PRKAR2B: variants seen among roughly 807,000 people sequenced by gnomAD.
The protein encoded by PRKAR2B is protein kinase cAMP-dependent type II regulatory subunit beta.
In PRKAR2B, 14 loss-of-function variants were observed where a neutral mutation model predicts 49.9. The observed-to-expected ratio is 0.28, with a 90% CI of 0.19 to 0.44. The LOEUF (loss-of-function observed/expected upper bound fraction) is 0.44. PRKAR2B is among the 20% of genes least tolerant of loss of function. PRKAR2B has a pLI of 1.00. For missense variants in PRKAR2B, 393 were observed against 537.9 expected (o/e 0.73, Z 2.67); for synonymous variants, 196 against 197.7 (o/e 0.99, Z 0.07).
chr7:107,073,436 T>G (rs910259862), intron 2 of PRKAR2B, among the ~76,000 whole-genome samples: 2 of 152,166 alleles, frequency 1.3e-5, no homozygotes, highest in African/African-American at 4.8e-5. Flanking sequence ...TTATAGAGGC[T>G]TCAGGGTTGT....
intron 1 of PRKAR2B, among the ~76,000 whole-genome samples, chr7:107,068,215 C>T (rs568994656): frequency 3.9e-5 from 6 of 152,234 alleles, no homozygotes; most frequent in East Asian, 1.9e-4. Flanking sequence ...AAAGACTTCC[C>T]GACCTTTTAA....
intron 2 of PRKAR2B, among the ~76,000 whole-genome samples, chr7:107,095,648 A>G (rs889009622): frequency 2.0e-5 from 3 of 152,198 alleles, no homozygotes; most frequent in Non-Finnish European, 4.4e-5. Context: ...TTTGTCCTAG[A>G]TAGCTCTTAT....
intron 1 of PRKAR2B, among the ~76,000 whole-genome samples, chr7:107,053,219 A>T (rs1456036406): frequency 6.6e-6 from 1 of 152,156 alleles, no homozygotes; most frequent in Non-Finnish European, 1.5e-5. Context: ...TATTAGCAAA[A>T]TATATTTGAG....
Position 107,161,245 on chromosome 7 carries a change from T to C in PRKAR2B, c.*1663T>C, listed in dbSNP as rs1796192586. On this transcript the variant is annotated 3_prime_UTR_variant, in exon 11 of 11. Transcript: ENST00000265717. ...AGATGACTTGTTTTATATTTCAGATTTTATTTTAAAAGCCATGTCTGTTAA... is the reference window on the plus strand; with the variant it reads ...AGATGACTTGTTTTATATTTCAGATCTTATTTTAAAAGCCATGTCTGTTAA... 6.6e-6 allele frequency: 1 copy of C among 152,238 alleles called. No homozygotes were observed. The highest frequency in any genetic ancestry group is 1.5e-5 in the Non-Finnish European group (1 of 68,036). The allele number at this position is 152,238 out of a possible 1,614,324, so 9.4% of individuals were successfully genotyped here. A position where few individuals can be genotyped will look rare whatever the true frequency, so the allele number is the denominator to read the frequency against.
chr7:107,153,224 C>T lies in PRKAR2B; in HGVS notation c.891C>T (p.Tyr297=). The part of the protein sequence containing the change: ...KVVDVIGTKV[Y]NDGEQIIAQG... ...TAGATGTGATAGGCACCAAAGTATACAACGATGGAGAACAAATCATTGCTC... is the reference window on the plus strand; with the variant it reads ...TAGATGTGATAGGCACCAAAGTATATAACGATGGAGAACAAATCATTGCTC... Residue 297 remains tyrosine (Y), a synonymous_variant, in exon 8 of 11, where the codon TAC becomes TAT. Transcript: ENST00000265717. 7 of 1,608,002 alleles carry T rather than the reference C, an allele frequency of 4.4e-6. No homozygotes were observed. The highest frequency in any genetic ancestry group is 5.9e-6 in the Non-Finnish European group (7 of 1,177,066).
chr7:107,121,858 G>T, intron 2 of PRKAR2B, 94 bp from the exon 3 acceptor site: 2 of 644,290 alleles, frequency 3.1e-6, no homozygotes, highest in Non-Finnish European at 5.0e-6. Context: ...TTATACCGTG[G>T]TACTCTTTTT....
chr7:107,061,489 G>A lies in PRKAR2B; in HGVS notation c.308-8792G>A, dbSNP rs544397681. 4.6e-5 allele frequency among the ~76,000 whole-genome samples: 7 copies of A among 152,174 alleles called. No individual in the cohort carries two copies. The South Asian group carries it at 1.5e-3, about 32-fold the overall frequency. Reference sequence around the variant, plus strand: ...TTCCTATGTAACTTATCACAACTGGGATTTTTAAAATTATACATTTTAATT... The same window carrying A: ...TTCCTATGTAACTTATCACAACTGGAATTTTTAAAATTATACATTTTAATT... On this transcript the variant is annotated intron_variant, in intron 1 of 10. Coordinates refer to ENST00000265717, the MANE Select transcript of PRKAR2B (RefSeq NM_002736.3).
At chr7:107,054,430 G>C (rs972701145) in intron 1 of PRKAR2B, among the ~76,000 whole-genome samples, 1 of 152,128 alleles carries the variant, frequency 6.6e-6, no homozygotes, top group African/African-American at 2.4e-5. Flanking sequence ...AAATATTCTT[G>C]TCTTAAGTCA....
rs536349158 is a variant in PRKAR2B, at chr7:107,157,245, G to A, written c.1044G>A (p.Gln348=). ...AAATCGCTCGATGCTCGCGGGGACA[G>A]TACTTTGGAGAGCTTGCCCTGGTAA... ...AVEIARCSRG[Q]YFGELALVTN... is the part of the protein sequence containing the mutation. Residue 348 remains glutamine (Q), a synonymous_variant, in exon 10 of 11, where the codon CAG becomes CAA. Transcript: ENST00000265717. 1.9e-6 allele frequency: 3 copies of A among 1,614,248 alleles called. No homozygotes were observed. The highest frequency in any genetic ancestry group is 1.7e-6 in the Non-Finnish European group (2 of 1,180,044).
chr7:107,150,275 A>G (rs1387170733), intron 6 of PRKAR2B, among the ~76,000 whole-genome samples: 3 of 152,152 alleles, frequency 2.0e-5, no homozygotes, highest in Non-Finnish European at 2.9e-5. Flanking sequence ...ATAAACAGGA[A>G]CATTTTAGAC....
chr7:107,082,294 T>C (rs1794529163), intron 2 of PRKAR2B, among the ~76,000 whole-genome samples: 1 of 152,236 alleles, frequency 6.6e-6, no homozygotes, highest in South Asian at 2.1e-4. Context: ...TTTATTTTCA[T>C]GTTACTTTAA....
At chr7:107,073,243 T>C (rs1260932628) in intron 2 of PRKAR2B, among the ~76,000 whole-genome samples, 1 of 152,224 alleles carries the variant, frequency 6.6e-6, no homozygotes, top group African/African-American at 2.4e-5. Flanking sequence ...GGAATATTTA[T>C]GCTTAACAAA....
intron 4 of PRKAR2B, 100 bp from the exon 5 acceptor site, chr7:107,140,747 C>T: frequency 1.3e-6 from 1 of 756,916 alleles, no homozygotes; most frequent in Non-Finnish European, 2.1e-6. Flanking sequence ...ATGATTATTT[C>T]CATTTCTTTG....
At chr7:107,153,135 G>A (rs1465935069) in intron 7 of PRKAR2B, 42 bp from the exon 8 acceptor site, 9 of 1,508,236 alleles carry the variant, frequency 6.0e-6, no homozygotes, top group Non-Finnish European at 8.2e-6. Flanking sequence ...AGCTTACCCA[G>A]TTAATTTGTT....
intron 1 of PRKAR2B, among the ~76,000 whole-genome samples, chr7:107,067,691 G>A (rs1327827175): frequency 3.3e-5 from 5 of 152,276 alleles, no homozygotes; most frequent in East Asian, 3.9e-4. Flanking sequence ...AGCTGCAAAC[G>A]GAGTCTGATC....
chr7:107,128,394 G>GAT, intron 4 of PRKAR2B, 99 bp downstream of exon 4: 1 of 834,180 alleles, frequency 1.2e-6, no homozygotes, highest in Non-Finnish European at 2.0e-6. Context: ...TTTGTAAGCT[G>GAT]ATCACCCTGG....
intron 1 of PRKAR2B, chr7:107,066,995 G>T (rs1247624247): frequency 2.0e-5 from 3 of 152,288 alleles, no homozygotes; most frequent in Non-Finnish European, 4.4e-5. Context: ...AGAAGGCAAT[G>T]TGGCCAGTAT....
chr7:107,149,016 G>A (rs1024485578), intron 6 of PRKAR2B, among the ~76,000 whole-genome samples: 5 of 152,116 alleles, frequency 3.3e-5, no homozygotes, highest in African/African-American at 4.8e-5. Context: ...TCTCTGTTTT[G>A]CAATAACCGC....
At chr7:107,056,382 A>G (rs1226302555) in intron 1 of PRKAR2B, among the ~76,000 whole-genome samples, 1 of 152,204 alleles carries the variant, frequency 6.6e-6, no homozygotes, top group Non-Finnish European at 1.5e-5. Flanking sequence ...TGGGGATGGC[A>G]TTGAATCTAT....
Sources: gnomAD v4.1 joint callset for allele counts (sites outside exome capture counted in the v4.1 genomes callset) on GRCh38, gnomAD v4.1.1 for gene constraint, MANE v1.5 for transcripts, NCBI Gene and HGNC (gene_info 2026-07-23, HGNC 2026-07-21) for gene names.